Variants in CTNNA2 observed in about 807,000 individuals in gnomAD.
CTNNA2 encodes catenin alpha-2.
A neutral mutation model predicts 101.0 loss-of-function variants in CTNNA2; 42 were observed. The ratio of observed to expected loss-of-function variants is 0.42; its 90% CI spans 0.32 to 0.54. The LOEUF is 0.54. Among genes scored for constraint, CTNNA2 ranks in the 20% least tolerant of loss-of-function variants. The pLI, the probability that CTNNA2 is intolerant of heterozygous loss-of-function variation, is 0.14. For missense variants in CTNNA2, 871 were observed against 1,223.1 expected (o/e 0.71, Z 4.29); for synonymous variants, 450 against 456.4 (o/e 0.99, Z 0.18).
chr2:80,570,408 G>A (rs1162126990), intron 12 of CTNNA2, among the ~76,000 whole-genome samples: 1 of 152,234 alleles, frequency 6.6e-6, no homozygotes, highest in Non-Finnish European at 1.5e-5. Flanking sequence ...GCAATGTGGA[G>A]AGCAGAGGTA....
intron 1 of CTNNA2, among the ~76,000 whole-genome samples, chr2:79,607,041 T>C (rs115858336): frequency 0.018 from 2,732 of 152,170 alleles, 43 homozygotes; most frequent in Non-Finnish European, 0.027. Flanking sequence ...GTATACTTTG[T>C]ATAAGAAACA....
In CTNNA2 at chr2:80,003,719, C is replaced by T. The variant is rs562188032; in HGVS notation, c.1056+93922C>T. 9.1e-4 allele frequency among the ~76,000 whole-genome samples: 138 copies of T among 152,302 alleles called. 1 individual carries two copies. The highest frequency in any genetic ancestry group is 1.6e-3 in the Non-Finnish European group (109 of 68,026). ...GGGAAGATTTGCAGCTCTGCCCACG[C>T]TGGTTGGTCAAGATGTGGTCATCAA... On this transcript the variant is annotated intron_variant, in intron 7 of 18. Coordinates refer to ENST00000402739, the MANE Select transcript of CTNNA2 (RefSeq NM_001282597.3).
At chr2:80,590,034 C>T (rs1696329306) in intron 15 of CTNNA2, among the ~76,000 whole-genome samples, 1 of 152,206 alleles carries the variant, frequency 6.6e-6, no homozygotes, top group African/African-American at 2.4e-5. Context: ...ATTGTTTTCA[C>T]AGAGAAATTA....
chr2:79,720,817 C>T (rs1446802583), intron 2 of CTNNA2, among the ~76,000 whole-genome samples: 1 of 152,002 alleles, frequency 6.6e-6, no homozygotes, highest in Admixed American at 6.6e-5. Context: ...ATCATATCTT[C>T]AGGGAAGATA....
intron 4 of CTNNA2, among the ~76,000 whole-genome samples, chr2:79,867,711 C>T (rs982107349): frequency 2.0e-5 from 3 of 151,608 alleles, no homozygotes; most frequent in East Asian, 1.9e-4. Context: ...TGTGTAACAC[C>T]GTAAAATAAG....
intron 12 of CTNNA2, among the ~76,000 whole-genome samples, chr2:80,566,289 TC>T (rs1180111257): frequency 8.7e-4 from 132 of 152,262 alleles, no homozygotes; most frequent in African/African-American, 3.1e-3. Context: ...AGAAGTGGCA[TC>T]CCATCTTTTT....
chr2:80,519,892 G>GAC (rs1689396450), intron 9 of CTNNA2, among the ~76,000 whole-genome samples: 1 of 152,140 alleles, frequency 6.6e-6, no homozygotes, highest in Admixed American at 6.5e-5. Context: ...TGACACCAGA[G>GAC]ACCATCCTCT....
chr2:80,103,924 G>A (rs1159006039), intron 7 of CTNNA2, among the ~76,000 whole-genome samples: 5 of 152,154 alleles, frequency 3.3e-5, no homozygotes, highest in Non-Finnish European at 1.5e-5. Flanking sequence ...AGTAGAGATT[G>A]GGTTTCGCCA....
At chr2:80,160,250 A>C (rs1704227464) in intron 7 of CTNNA2, among the ~76,000 whole-genome samples, 2 of 152,250 alleles carry the variant, frequency 1.3e-5, no homozygotes, top group South Asian at 4.1e-4. Context: ...TCCCTCTTTA[A>C]TCTTCTTTTT....
At position 80,558,642 on chromosome 2, in the gene CTNNA2, A is replaced by ATT. The variant is rs763748949; in HGVS notation, c.1741+2752_1741+2753dup. Among the ~76,000 whole-genome samples the ATT allele has an allele frequency of 5.7e-4, 87 of 152,242 alleles. 1 individual carries two copies. Among genetic ancestry groups the ATT allele is most frequent in the Middle Eastern group, 6.8e-3 (2 of 294 alleles). On this transcript the variant is annotated intron_variant, in intron 12 of 18. Coordinates refer to ENST00000402739, the MANE Select transcript of CTNNA2 (RefSeq NM_001282597.3). ...CTTAGTTTTGTTTCTGACTTAAACA[A>ATT]TTTTAGAGCCATGTTGAATTGGCCA... is the stretch of plus-strand genomic sequence containing the variant.
intron 2 of CTNNA2, among the ~76,000 whole-genome samples, chr2:79,702,950 C>A (rs1273755788): frequency 6.6e-6 from 1 of 152,146 alleles, no homozygotes; most frequent in Non-Finnish European, 1.5e-5. Flanking sequence ...CCTTCAAACA[C>A]AGGAGAGGCC....
chr2:80,279,507 T>C (rs1674195838), intron 7 of CTNNA2, among the ~76,000 whole-genome samples: 1 of 152,194 alleles, frequency 6.6e-6, no homozygotes, highest in Admixed American at 6.5e-5. Flanking sequence ...CATCTTCCAG[T>C]TGTGATATTG....
At chr2:79,367,662 C>T (rs1475507600) in intron 3 of CTNNA2, among the ~76,000 whole-genome samples, 1 of 152,114 alleles carries the variant, frequency 6.6e-6, no homozygotes, top group Non-Finnish European at 1.5e-5. Context: ...ACATCAAGAA[C>T]TCTTAGATGA....
At chr2:79,949,555 C>T (rs543238479) in intron 7 of CTNNA2, among the ~76,000 whole-genome samples, 1 of 152,172 alleles carries the variant, frequency 6.6e-6, no homozygotes, top group African/African-American at 2.4e-5. Context: ...ATCACTTGAG[C>T]CCAGGGGTTT....
At chr2:80,451,819 C>T (rs1269597048) in intron 9 of CTNNA2, among the ~76,000 whole-genome samples, 2 of 152,108 alleles carry the variant, frequency 1.3e-5, no homozygotes, top group Non-Finnish European at 2.9e-5. Flanking sequence ...TCAAGAATTA[C>T]AGATTCCTTC....
At chr2:80,291,314 G>A (rs899071929) in intron 7 of CTNNA2, among the ~76,000 whole-genome samples, 2 of 152,128 alleles carry the variant, frequency 1.3e-5, no homozygotes, top group Non-Finnish European at 2.9e-5. Context: ...TAACAAATTG[G>A]AGAACTAGAA....
chr2:79,341,576 C>T (rs964684057), intron 3 of CTNNA2, among the ~76,000 whole-genome samples: 1 of 152,210 alleles, frequency 6.6e-6, no homozygotes, highest in African/African-American at 2.4e-5. Flanking sequence ...GTTTCAGACT[C>T]TCTTTTCAAG....
At chr2:80,432,310 C>T (rs922788125) in intron 9 of CTNNA2, among the ~76,000 whole-genome samples, 2 of 152,056 alleles carry the variant, frequency 1.3e-5, no homozygotes, top group Non-Finnish European at 2.9e-5. Flanking sequence ...TTTTTTTAAT[C>T]ATATGTAAAA....
At chr2:80,188,439 A>G in intron 7 of CTNNA2, among the ~76,000 whole-genome samples, 1 of 152,176 alleles carries the variant, frequency 6.6e-6, no homozygotes. Flanking sequence ...CTGCTGTAAC[A>G]AATTACAACA....
Sources: allele counts gnomAD v4.1 joint callset (sites outside exome capture counted in the v4.1 genomes callset), GRCh38; gene constraint gnomAD v4.1.1; transcripts MANE v1.5; gene names NCBI Gene and HGNC (gene_info 2026-07-23, HGNC 2026-07-21).